The following TEAD1 variants were observed in gnomAD, a reference collection of about 807,000 sequenced individuals.
TEAD1 encodes transcriptional enhancer factor TEF-1.
A neutral mutation model predicts 54.9 loss-of-function variants in TEAD1; 9 were observed. That is an observed-to-expected ratio of 0.16 (90% CI 0.10 to 0.29). The LOEUF (loss-of-function observed/expected upper bound fraction) is 0.29, where lower values mean the gene tolerates loss of function less well. Among genes scored for constraint, TEAD1 ranks in the 10% least tolerant of loss-of-function variants. The pLI, the probability that TEAD1 is intolerant of heterozygous loss-of-function variation, is 1.00. For synonymous variants in TEAD1, 200 were observed against 187.8 expected, an observed-to-expected ratio of 1.07 and a Z score of -0.53; for missense variants, 387 against 535.9, an observed-to-expected ratio of 0.72 and a Z score of 2.74.
chr11:12,684,207 A>G (rs2133815096), intron 2 of TEAD1, among the ~76,000 whole-genome samples: 1 of 152,312 alleles, frequency 6.6e-6, no homozygotes, highest in Admixed American at 6.5e-5. Context: ...GCTTTGAACC[A>G]CACGTCCCTT....
At chr11:12,765,375 T>C (rs149992305) in intron 3 of TEAD1, among the ~76,000 whole-genome samples, 30 of 152,330 alleles carry the variant, frequency 2.0e-4, no homozygotes, top group African/African-American at 7.0e-4. Flanking sequence ...GAGTTCGCAC[T>C]GTAGCTGAGT....
chr11:12,849,710 C>T (rs1947229340), intron 3 of TEAD1, among the ~76,000 whole-genome samples: 1 of 152,194 alleles, frequency 6.6e-6, no homozygotes. Context: ...CTGTTTAATG[C>T]AACACCTCCA....
intron 3 of TEAD1, among the ~76,000 whole-genome samples, chr11:12,830,466 C>T (rs1396153674): frequency 6.6e-6 from 1 of 152,090 alleles, no homozygotes. Flanking sequence ...TTACATCTGG[C>T]TGCAGAGACC....
At chr11:12,888,299 A>G (rs1948131988) in intron 9 of TEAD1, among the ~76,000 whole-genome samples, 1 of 152,240 alleles carries the variant, frequency 6.6e-6, no homozygotes, top group Non-Finnish European at 1.5e-5. Flanking sequence ...ACTTGAGGCC[A>G]GAAGTTTAAG....
At chr11:12,831,718 G>A (rs1946786702) in intron 3 of TEAD1, among the ~76,000 whole-genome samples, 1 of 151,058 alleles carries the variant, frequency 6.6e-6, no homozygotes, top group African/African-American at 2.4e-5. Flanking sequence ...GGCAGAGGTT[G>A]CAACAAGCCG....
intron 3 of TEAD1, among the ~76,000 whole-genome samples, chr11:12,848,381 T>C (rs1210648984): frequency 1.3e-5 from 2 of 152,194 alleles, no homozygotes; most frequent in Non-Finnish European, 2.9e-5. Context: ...TAGAGAACTT[T>C]AAAGTGATGT....
intron 3 of TEAD1, among the ~76,000 whole-genome samples, chr11:12,819,151 G>A (rs1946476404): frequency 6.6e-6 from 1 of 152,182 alleles, no homozygotes; most frequent in South Asian, 2.1e-4. Context: ...CAGACAGTGG[G>A]TTATGGAATA....
chr11:12,690,583 T>G (rs1943438015), intron 2 of TEAD1, among the ~76,000 whole-genome samples: 1 of 152,254 alleles, frequency 6.6e-6, no homozygotes, highest in Non-Finnish European at 1.5e-5. Flanking sequence ...ACATTTGATC[T>G]AATTCAGGGT....
At position 12,856,546 on chromosome 11, in the gene TEAD1, A is replaced by G. The variant is rs73427641; in HGVS notation, c.203-5704A>G. Among the ~76,000 whole-genome samples the G allele has an allele frequency of 3.9e-3, 599 of 152,284 alleles. 5 individuals are homozygous for G. The highest frequency in any genetic ancestry group is 0.013 in the African/African-American group (545 of 41,566). On this transcript the variant is annotated intron_variant, in intron 3 of 12. Transcript: ENST00000527636. ...GTTGTGCACCCAGGTACAAAGTTCA[A>G]GGTGTTCACAGGAAACATTCGATAA... is the stretch of plus-strand genomic sequence containing the variant.
intron 3 of TEAD1, among the ~76,000 whole-genome samples, chr11:12,786,651 A>G (rs1945682835): frequency 1.3e-5 from 2 of 152,164 alleles, no homozygotes; most frequent in Admixed American, 1.3e-4. Context: ...GTAGATGCTT[A>G]TTGAGTGCCA....
At chr11:12,932,988 A>G (rs1018430709) in intron 12 of TEAD1, among the ~76,000 whole-genome samples, 1 of 152,226 alleles carries the variant, frequency 6.6e-6, no homozygotes, top group Admixed American at 6.5e-5. Context: ...GTACAGTAAC[A>G]TGCTATACAG....
intron 2 of TEAD1, among the ~76,000 whole-genome samples, chr11:12,761,915 G>C (rs1945110555): frequency 6.6e-6 from 1 of 152,272 alleles, no homozygotes; most frequent in Non-Finnish European, 1.5e-5. Flanking sequence ...GACCAGTTGA[G>C]TAGATTTTGA....
At chr11:12,918,773 G>A (rs1205485802) in intron 10 of TEAD1, among the ~76,000 whole-genome samples, 3 of 152,158 alleles carry the variant, frequency 2.0e-5, no homozygotes, top group East Asian at 1.9e-4. Context: ...TGGATAGATC[G>A]TGGCATTTTT....
In TEAD1 at chr11:12,943,221, T is replaced by G. The variant is rs928934375; in HGVS notation, c.*5999T>G. 2 of 152,330 alleles carry G rather than the reference T, an allele frequency of 1.3e-5. No homozygotes were observed. The highest frequency in any genetic ancestry group is 1.3e-4 in the Admixed American group (2 of 15,266). The allele number at this position is 152,330 out of a possible 1,614,324, so 9.4% of individuals were successfully genotyped here. ...CAAAAACTATCAAATGAAAAGAAAA[T>G]GTACTCAACCTAACTTATAGTTAGC... On this transcript the variant is annotated 3_prime_UTR_variant, in exon 13 of 13. Transcript: ENST00000527636.
chr11:12,736,657 T>G (rs1454315395), intron 2 of TEAD1, among the ~76,000 whole-genome samples: 3 of 152,202 alleles, frequency 2.0e-5, no homozygotes, highest in African/African-American at 4.8e-5. Flanking sequence ...TATATGAAAC[T>G]TAATGGCCTT....
rs538620127 is a variant in TEAD1 at position 12,728,995 on chromosome 11, T to C, written c.-54-35184T>C. Among the ~76,000 whole-genome samples, 7 of 152,328 alleles carry C rather than the reference T, an allele frequency of 4.6e-5. No individual in the cohort carries two copies. The East Asian group carries it at 9.6e-4, about 21-fold the overall frequency. The stretch of plus-strand genomic sequence containing the variant: ...CTGCAAAGCTGGAGGAGCTGGACTT[T>C]AGAAGTGCTTACATTGTTTTTAGCT... On this transcript the variant is annotated intron_variant, in intron 2 of 12. Coordinates refer to ENST00000527636, the MANE Select transcript of TEAD1 (RefSeq NM_021961.6).
Position 12,864,887 on chromosome 11 carries a change from A to G in TEAD1, c.317A>G (p.His106Arg), listed in dbSNP as rs751108105. Reference sequence around the variant, plus strand: ...GCCAGAAGGAAATCTCGTGATTTTCATTCCAAGCTAAAGGTATGCGCTTTT... The same window carrying G: ...GCCAGAAGGAAATCTCGTGATTTTCGTTCCAAGCTAAAGGTATGCGCTTTT... Residue 106 changes from histidine (H) to arginine (R), a missense_variant, in exon 5 of 13, where the codon CAT becomes CGT. Physicochemically the swap from His to Arg is conservative, Grantham distance 29 (BLOSUM62 0). This residue lies in a region of TEAD1 where 22 missense variants were observed against 43.2 expected (regional missense o/e 0.51). Transcript: ENST00000527636. The G allele has an allele frequency of 2.5e-6, 4 of 1,614,094 alleles. No individual in the cohort carries two copies. Among genetic ancestry groups the G allele is most frequent in the Admixed American group, 1.7e-5 (1 of 60,006 alleles).
intron 3 of TEAD1, among the ~76,000 whole-genome samples, chr11:12,803,551 C>G (rs1164259954): frequency 6.6e-6 from 1 of 152,210 alleles, no homozygotes; most frequent in Non-Finnish European, 1.5e-5. Flanking sequence ...CTGTGTGGCC[C>G]TCCATGCCAG....
chr11:12,925,803 A>G (rs1948895181), intron 11 of TEAD1, among the ~76,000 whole-genome samples: 1 of 152,160 alleles, frequency 6.6e-6, no homozygotes, highest in African/African-American at 2.4e-5. Flanking sequence ...TTGTAGATAG[A>G]CGTCAAGGTG....
Sources: gnomAD v4.1 joint callset for allele counts (sites outside exome capture counted in the v4.1 genomes callset) on GRCh38, gnomAD v4.1.1 for gene constraint, gnomAD v4.1.1 regional missense constraint, MANE v1.5 for transcripts, NCBI Gene and HGNC (gene_info 2026-07-23, HGNC 2026-07-21) for gene names.